The following CLCN7 variants were observed in gnomAD, a reference collection of about 807,000 sequenced individuals.
The protein encoded by CLCN7 is Cl-/H+ antiporter 7.
Under a neutral mutation model 102.1 loss-of-function variants are expected in CLCN7, and 60 were observed. The observed-to-expected ratio is 0.59, with a 90% CI of 0.48 to 0.73. CLCN7 has a LOEUF of 0.73. Among genes scored for constraint, CLCN7 ranks in the 30% least tolerant of loss-of-function variants. The pLI is 0.00. For synonymous variants in CLCN7, 560 were observed against 490.5 expected, an observed-to-expected ratio of 1.14 and a Z score of -1.87; for missense variants, 962 against 1,125.7, an observed-to-expected ratio of 0.85 and a Z score of 2.08.
rs746917241 is a variant in CLCN7 at position 1,457,709 on chromosome 16, G to A, written c.723C>T (p.Gly241=). ...ACTTTGTTACCTTTCCCACGGCCAGGCCCCCGACCACGGACAGGATCACAC... is the reference window on the plus strand; with the variant it reads ...ACTTTGTTACCTTTCCCACGGCCAGACCCCCGACCACGGACAGGATCACAC... The part of the protein sequence containing the change: ...VSGVILSVVG[G]LAVGKEGPMI... The change falls in exon 8 of 25, where the codon GGC becomes GGT. Residue 241 remains glycine, a synonymous_variant. Transcript: ENST00000382745. This position sits in a 1 kb window ranked among gnomAD's most constrained non-coding sequence, Gnocchi z 5.4. 6.8e-6 allele frequency: 11 copies of A among 1,613,826 alleles called. No individual in the cohort carries two copies. The highest frequency in any genetic ancestry group is 9.3e-6 in the Non-Finnish European group (11 of 1,180,016).
chr16:1,450,098 G>A (rs762292814), intron 17 of CLCN7: 4 of 229,360 alleles, frequency 1.7e-5, no homozygotes, highest in Non-Finnish European at 3.5e-5. Context: ...GCCTGCGGGG[G>A]CTGAGGTCTG....
chr16:1,460,632 G>A, intron 5 of CLCN7, 105 bp from the exon 6 acceptor site: 2 of 1,269,234 alleles, frequency 1.6e-6, no homozygotes. Context: ...CCTGCTGGGT[G>A]GAGCCATGAT....
rs770619892 is a variant in CLCN7 at position 1,449,673 on chromosome 16, G to C, written c.1618-346C>G. On this transcript the variant is annotated intron_variant, in intron 17 of 24. Coordinates refer to ENST00000382745, the MANE Select transcript of CLCN7 (RefSeq NM_001287.6). ...GACACAGAGAGCCCCGGGAACATCA[G>C]GCTGGGCCACAGAACCCAGGCATGG... 1.4e-5 allele frequency: 5 copies of C among 355,240 alleles called. No homozygotes were observed. The East Asian group carries it at 2.4e-4, about 17-fold the overall frequency. The allele number at this position is 355,240 out of a possible 1,614,324, so 22.0% of individuals were successfully genotyped here.
intron 1 of CLCN7, among the ~76,000 whole-genome samples, chr16:1,470,239 C>G (rs1418077175): frequency 2.0e-5 from 3 of 152,236 alleles, no homozygotes; most frequent in Non-Finnish European, 2.9e-5. Context: ...TCAAATAATC[C>G]TTCCGCCTTG....
Position 1,457,710 on chromosome 16 carries a change from C to G in CLCN7, c.722G>C (p.Gly241Ala). 1 of 1,613,742 alleles carries G rather than the reference C, an allele frequency of 6.2e-7. No individual in the cohort carries two copies. Among genetic ancestry groups the G allele is most frequent in the Admixed American group, 1.7e-5 (1 of 60,036 alleles). The change falls in exon 8 of 25, where the codon GGC becomes GCC. Residue 241 changes from glycine to alanine, a missense_variant. Gly to Ala is a moderately conservative substitution (Grantham distance 60). This residue lies in a region of CLCN7 where 799 missense variants were observed against 988.0 expected (regional missense o/e 0.81). Coordinates refer to ENST00000382745, the MANE Select transcript of CLCN7 (RefSeq NM_001287.6). This position sits in a 1 kb window ranked among gnomAD's most constrained non-coding sequence, Gnocchi z 5.4. ...VSGVILSVVG[G>A]LAVGKEGPMI... ...CTTTGTTACCTTTCCCACGGCCAGG[C>G]CCCCGACCACGGACAGGATCACACC...
Position 1,460,139 on chromosome 16 carries a change from G to C in CLCN7, c.594+279C>G, listed in dbSNP as rs145707864. On this transcript the variant is annotated intron_variant, in intron 6 of 24. Transcript: ENST00000382745. Reference sequence around the variant, plus strand: ...CGGAGGTGGAGATGGAAGGAGGGGAGGGCAGAGTGAGGAGATGGAAGGAGG... The same window carrying C: ...CGGAGGTGGAGATGGAAGGAGGGGACGGCAGAGTGAGGAGATGGAAGGAGG... 1.1e-3 allele frequency among the ~76,000 whole-genome samples: 170 copies of C among 152,104 alleles called. 3 individuals carry two copies. The Middle Eastern group carries it at 0.027, about 24-fold the overall frequency.
chr16:1,460,284 C>T (rs1297969159), intron 6 of CLCN7, 134 bp downstream of exon 6: 13 of 711,572 alleles, frequency 1.8e-5, no homozygotes, highest in African/African-American at 5.3e-5. Flanking sequence ...GTCTGGACCA[C>T]GTGATTCTAA....
At position 1,461,781 on chromosome 16, in the gene CLCN7, A is replaced by G. The variant is rs2038942107; in HGVS notation, c.214-107T>C. 6 of 950,656 alleles carry G rather than the reference A, an allele frequency of 6.3e-6. No homozygotes were observed. In the East Asian group the frequency reaches 1.5e-4, roughly 23 times the overall value. The allele number at this position is 950,656 out of a possible 1,614,324, so 58.9% of individuals were successfully genotyped here. A position where few individuals can be genotyped will look rare whatever the true frequency, so the allele number is the denominator to read the frequency against. The stretch of plus-strand genomic sequence containing the variant: ...CATTATCATCCCGACACCAAGGACA[A>G]GGACACAGCAAGAGAACTGCACATG... On this transcript the variant is annotated intron_variant, in intron 2 of 24. Coordinates refer to ENST00000382745, the MANE Select transcript of CLCN7 (RefSeq NM_001287.6).
rs905097308 is a variant in CLCN7, at chr16:1,457,070, G to A, written c.822+184C>T. On this transcript the variant is annotated intron_variant, in intron 9 of 24. Transcript: ENST00000382745. This position sits in a 1 kb window ranked among gnomAD's most constrained non-coding sequence, Gnocchi z 5.4. ...GGGGACCCAAGGAGGGAAGCAGCGG[G>A]CCGTAGGGAGGCCTTGCCGGGCAGG... 1.3e-4 allele frequency among the ~76,000 whole-genome samples: 20 copies of A among 152,310 alleles called. No individual in the cohort carries two copies. In the East Asian group the frequency reaches 1.4e-3, roughly 10 times the overall value.
chr16:1,470,893 A>G (rs546856245), intron 1 of CLCN7, among the ~76,000 whole-genome samples: 2 of 152,234 alleles, frequency 1.3e-5, no homozygotes, highest in East Asian at 3.9e-4. Flanking sequence ...ATGAGTTCCC[A>G]GGGATGTCCT....
At chr16:1,473,468 G>C (rs1048827463) in intron 1 of CLCN7, among the ~76,000 whole-genome samples, 8 of 139,826 alleles carry the variant, frequency 5.7e-5, no homozygotes, top group African/African-American at 8.1e-5. Flanking sequence ...CCGCCTCCCG[G>C]GTTCAATTGA....
chr16:1,460,370 C>T (rs1450582034), intron 6 of CLCN7, 48 bp downstream of exon 6: 2 of 1,401,016 alleles, frequency 1.4e-6, no homozygotes, highest in Non-Finnish European at 2.0e-6. Flanking sequence ...CACCAAGACC[C>T]CCAATCCTTC....
rs568351686 is a variant in CLCN7 at position 1,458,073 on chromosome 16, G to A, written c.676-317C>T. Among the ~76,000 whole-genome samples, 24 of 152,234 alleles carry A rather than the reference G, an allele frequency of 1.6e-4. No individual in the cohort carries two copies. In the East Asian group the frequency reaches 3.1e-3, roughly 20 times the overall value. On this transcript the variant is annotated intron_variant, in intron 7 of 24. Coordinates refer to ENST00000382745, the MANE Select transcript of CLCN7 (RefSeq NM_001287.6). ...GCATCCTACAGGCACACCTGCCTCC[G>A]CCAGCGTGGCCAGCACAGGGGAGGT...
chr16:1,458,620 C>T (rs929141458), intron 7 of CLCN7, among the ~76,000 whole-genome samples: 3 of 152,222 alleles, frequency 2.0e-5, no homozygotes, highest in South Asian at 2.1e-4. Context: ...GACGGGGCTG[C>T]GGCAAGTCTC....
intron 15 of CLCN7, chr16:1,451,949 C>G: frequency 1.9e-6 from 1 of 537,634 alleles, no homozygotes; most frequent in South Asian, 1.9e-5. Context: ...CTAGGCCCAG[C>G]AGGGGGCCGT....
Position 1,467,046 on chromosome 16 carries a change from C to G in CLCN7, c.142-1708G>C, listed in dbSNP as rs555304072. On this transcript the variant is annotated intron_variant, in intron 1 of 24. Transcript: ENST00000382745. ...ACCGTCGCCCTTGCTGTACACCCCCCGTGTTGATGACCCGGTAAGTGGCCC... is the reference window on the plus strand; with the variant it reads ...ACCGTCGCCCTTGCTGTACACCCCCGGTGTTGATGACCCGGTAAGTGGCCC... 2.6e-5 allele frequency among the ~76,000 whole-genome samples: 4 copies of G among 152,044 alleles called. No individual in the cohort carries two copies. The East Asian group carries it at 7.7e-4, about 29-fold the overall frequency.
intron 1 of CLCN7, among the ~76,000 whole-genome samples, chr16:1,469,155 G>A (rs901628866): frequency 3.9e-5 from 6 of 151,910 alleles, no homozygotes; most frequent in African/African-American, 7.2e-5. Flanking sequence ...GCAGTGAGCC[G>A]AGATCCTGCC....
intron 7 of CLCN7, among the ~76,000 whole-genome samples, chr16:1,458,009 C>T (rs937316874): frequency 2.0e-5 from 3 of 152,278 alleles, no homozygotes; most frequent in African/African-American, 2.4e-5. Context: ...GGGGTTCTTT[C>T]GTTTCCTTCC....
rs2038848177 is a variant in CLCN7, at chr16:1,457,210, T to C, written c.822+44A>G. On this transcript the variant is annotated intron_variant, in intron 9 of 24. Transcript: ENST00000382745. The surrounding 1 kb of genome is among the most constrained non-coding windows in gnomAD (Gnocchi z 5.4). ...TCTCCCTGAGTGGTGCCCGTGCCCG[T>C]GCCCATGGCATCTGGAGCCCACCCA... is the stretch of plus-strand genomic sequence containing the variant. The C allele has an allele frequency of 1.9e-6, 3 of 1,557,952 alleles. No individual in the cohort carries two copies. Among genetic ancestry groups the C allele is most frequent in the African/African-American group, 2.7e-5 (2 of 73,848 alleles).
Sources: gnomAD v4.1 joint callset for allele counts (sites outside exome capture counted in the v4.1 genomes callset) on GRCh38, gnomAD v4.1.1 for gene constraint, gnomAD v4.1.1 regional missense constraint, Gnocchi (gnomAD v3.1) non-coding constraint, MANE v1.5 for transcripts, NCBI Gene and HGNC (gene_info 2026-07-23, HGNC 2026-07-21) for gene names.